Variants in INPP4B observed in about 807,000 individuals in gnomAD.
The protein encoded by INPP4B is inositol polyphosphate 4-phosphatase type II.
Under a neutral mutation model 122.5 loss-of-function variants are expected in INPP4B, and 55 were observed. The ratio of observed to expected loss-of-function variants is 0.45; its 90% CI spans 0.36 to 0.56. The LOEUF is 0.56. INPP4B is among the 20% of genes least tolerant of loss of function. The probability of loss-of-function intolerance (pLI) is 0.00; values close to 1 mark genes in which losing one functional copy is unlikely to be tolerated. For missense variants in INPP4B, 1,000 were observed against 1,097.7 expected (o/e 0.91, Z 1.26); for synonymous variants, 403 against 388.7 (o/e 1.04, Z -0.43).
intron 5 of INPP4B, among the ~76,000 whole-genome samples, chr4:142,425,021 T>C (rs1439433251): frequency 6.6e-6 from 1 of 152,106 alleles, no homozygotes; most frequent in Admixed American, 6.6e-5. Context: ...TTACTCCTAT[T>C]TTATGTGCTA....
intron 1 of INPP4B, among the ~76,000 whole-genome samples, chr4:142,812,285 T>C (rs1340928457): frequency 6.6e-6 from 1 of 152,140 alleles, no homozygotes; most frequent in Non-Finnish European, 1.5e-5. Flanking sequence ...AGTTTCAGGA[T>C]TGTACCTCTC....
intron 7 of INPP4B, among the ~76,000 whole-genome samples, chr4:142,354,950 T>A (rs1783090609): frequency 6.6e-6 from 1 of 151,978 alleles, no homozygotes; most frequent in South Asian, 2.1e-4. Flanking sequence ...CTGGGCTCAC[T>A]CATGGGGTTC....
At chr4:142,308,001 C>T (rs1332497985) in intron 8 of INPP4B, among the ~76,000 whole-genome samples, 1 of 152,128 alleles carries the variant, frequency 6.6e-6, no homozygotes, top group Non-Finnish European at 1.5e-5. Flanking sequence ...ATGGACTCAC[C>T]ATAAGGCACA....
chr4:142,231,423 C>G (rs1854320033), intron 12 of INPP4B, among the ~76,000 whole-genome samples: 1 of 152,156 alleles, frequency 6.6e-6, no homozygotes, highest in Non-Finnish European at 1.5e-5. Flanking sequence ...TATACACCAA[C>G]TTTAGATGTG....
chr4:142,319,015 G>A (rs1020429559), intron 7 of INPP4B, among the ~76,000 whole-genome samples: 9 of 152,166 alleles, frequency 5.9e-5, no homozygotes, highest in African/African-American at 2.2e-4. Context: ...GGAGGACAGC[G>A]AGGACTGCTC....
At chr4:142,841,290 C>T (rs758846947) in intron 1 of INPP4B, among the ~76,000 whole-genome samples, 8 of 151,850 alleles carry the variant, frequency 5.3e-5, no homozygotes, top group Admixed American at 1.3e-4. Flanking sequence ...GGTTTTAGTC[C>T]TACTTTATTT....
intron 16 of INPP4B, among the ~76,000 whole-genome samples, chr4:142,169,063 A>G (rs1824233647): frequency 1.3e-5 from 2 of 151,682 alleles, no homozygotes; most frequent in African/African-American, 4.8e-5. Context: ...AATCCATCAT[A>G]AACAGCAGAA....
rs975921858 is a variant in INPP4B, at chr4:142,177,438, T to C, written c.1182-3629A>G. 3.3e-5 allele frequency among the ~76,000 whole-genome samples: 5 copies of C among 152,122 alleles called. No homozygotes were observed. The South Asian group carries it at 1.0e-3, about 32-fold the overall frequency. On this transcript the variant is annotated intron_variant, in intron 15 of 25. Transcript: ENST00000262992. The stretch of plus-strand genomic sequence containing the variant: ...AACAACATAACTAAACTCTATTTTA[T>C]AGTAGTATGAAATTTAAACTGGATC...
chr4:142,118,333 C>CA (rs1428969467), intron 21 of INPP4B, among the ~76,000 whole-genome samples: 1 of 151,728 alleles, frequency 6.6e-6, no homozygotes, highest in Non-Finnish European at 1.5e-5. Context: ...CACGCATTGC[C>CA]AAGACAATCT....
At chr4:142,613,692 A>G (rs762630542) in intron 2 of INPP4B, among the ~76,000 whole-genome samples, 22 of 152,222 alleles carry the variant, frequency 1.4e-4, no homozygotes, top group Non-Finnish European at 2.4e-4. Flanking sequence ...ACAAAAAGCT[A>G]TACAATAACA....
At chr4:142,084,378 C>T (rs1775695634) in intron 24 of INPP4B, among the ~76,000 whole-genome samples, 1 of 152,242 alleles carries the variant, frequency 6.6e-6, no homozygotes, top group South Asian at 2.1e-4. Flanking sequence ...CTCGGCCCCC[C>T]AAAGTGCTGA....
intron 25 of INPP4B, among the ~76,000 whole-genome samples, chr4:142,047,905 C>G (rs1752434948): frequency 6.6e-6 from 1 of 151,982 alleles, no homozygotes; most frequent in Non-Finnish European, 1.5e-5. Flanking sequence ...GCTGTTGCAC[C>G]AACTTATAAG....
chr4:142,750,972 G>A (rs1228588825), intron 1 of INPP4B, among the ~76,000 whole-genome samples: 1 of 152,052 alleles, frequency 6.6e-6, no homozygotes, highest in Non-Finnish European at 1.5e-5. Context: ...TTCTCAAAAA[G>A]TAGAAGAGTT....
rs1157643466 is a variant in INPP4B at position 142,537,429 on chromosome 4, T to TAGAGAGAGAGAG, written c.-190-74715_-190-74704dup. Among the ~76,000 whole-genome samples, 17 of 25,474 alleles carry TAGAGAGAGAGAG rather than the reference T, an allele frequency of 6.7e-4. 1 individual carries two copies. The highest frequency in any genetic ancestry group is 1.3e-3 in the Non-Finnish European group (14 of 10,910). The allele number at this position is 25,474 out of a possible 152,430, so 16.7% of individuals were successfully genotyped here. A position where few individuals can be genotyped will look rare whatever the true frequency, so the allele number is the denominator to read the frequency against. On this transcript the variant is annotated intron_variant, in intron 2 of 25. Coordinates refer to ENST00000262992, the MANE Select transcript of INPP4B (RefSeq NM_001101669.3). ...ATATATATATATATATATATATATA[T>TAGAGAGAGAGAG]AGAGAGAGAGAGAGAGAGAGAGAGA...
At chr4:142,345,907 A>G (rs985707466) in intron 7 of INPP4B, among the ~76,000 whole-genome samples, 2 of 151,860 alleles carry the variant, frequency 1.3e-5, no homozygotes, top group African/African-American at 4.8e-5. Context: ...TTTTGAAAAA[A>G]TGGCTTCTAG....
At chr4:142,450,802 C>A (rs992859679) in intron 3 of INPP4B, among the ~76,000 whole-genome samples, 6 of 152,050 alleles carry the variant, frequency 3.9e-5, no homozygotes, top group Non-Finnish European at 5.9e-5. Context: ...AATTCTAGAG[C>A]CCTTTCTCTT....
intron 2 of INPP4B, among the ~76,000 whole-genome samples, chr4:142,480,311 TG>T (rs762668940): frequency 7.9e-5 from 12 of 152,174 alleles, no homozygotes; most frequent in African/African-American, 2.9e-4. Flanking sequence ...AATTTTTGCC[TG>T]ACAGAGGCAG....
chr4:142,388,245 C>T (rs6829034), intron 7 of INPP4B, among the ~76,000 whole-genome samples: 31,304 of 152,142 alleles, frequency 0.21, 4,380 homozygotes, highest in African/African-American at 0.4. Context: ...TGGCTAAAGC[C>T]AGGCAATAAA....
At chr4:142,590,444 C>T (rs531030086) in intron 2 of INPP4B, among the ~76,000 whole-genome samples, 18 of 152,152 alleles carry the variant, frequency 1.2e-4, no homozygotes, top group Non-Finnish European at 2.6e-4. Context: ...TACATAAGCA[C>T]TGTACTCTAG....
Sources: gnomAD v4.1 joint callset for allele counts (sites outside exome capture counted in the v4.1 genomes callset) on GRCh38, gnomAD v4.1.1 for gene constraint, MANE v1.5 for transcripts, NCBI Gene and HGNC (gene_info 2026-07-23, HGNC 2026-07-21) for gene names.